The following USP28 variants were observed in gnomAD, a reference collection of about 807,000 sequenced individuals.
USP28 encodes the protein ubiquitin carboxyl-terminal hydrolase 28.
A neutral mutation model predicts 145.0 loss-of-function variants in USP28; 113 were observed. That is an observed-to-expected ratio of 0.78 (90% CI 0.67 to 0.91). The LOEUF is 0.91. USP28 is among the 40% of genes least tolerant of loss of function. USP28 has a pLI of 0.00. For missense variants in USP28, 1,201 were observed against 1,289.6 expected, an observed-to-expected ratio of 0.93 and a Z score of 1.05; for synonymous variants, 447 against 450.9, an observed-to-expected ratio of 0.99 and a Z score of 0.11.
chr11:113,837,726 C>T (rs1351068221), intron 5 of USP28, among the ~76,000 whole-genome samples: 1 of 152,164 alleles, frequency 6.6e-6, no homozygotes, highest in East Asian at 1.9e-4. Flanking sequence ...GCAAATGCTC[C>T]AAATTAAATG....
intron 3 of USP28, among the ~76,000 whole-genome samples, chr11:113,845,214 G>A (rs967647525): frequency 7.3e-5 from 11 of 149,772 alleles, no homozygotes; most frequent in East Asian, 4.0e-4. Context: ...CAAGGCAGGC[G>A]GATCACTTGA....
At chr11:113,848,667 A>C (rs1426685286) in intron 3 of USP28, among the ~76,000 whole-genome samples, 1 of 152,218 alleles carries the variant, frequency 6.6e-6, no homozygotes, top group Non-Finnish European at 1.5e-5. Context: ...AAGTGGTTCC[A>C]TCTTTTCTAC....
chr11:113,842,547 T>C (rs1213669537), intron 3 of USP28, among the ~76,000 whole-genome samples: 1 of 148,916 alleles, frequency 6.7e-6, no homozygotes, highest in East Asian at 2.0e-4. Flanking sequence ...ACCACGCCAC[T>C]GCACTCCAGC....
chr11:113,840,070 C>G (rs73552977), intron 5 of USP28, among the ~76,000 whole-genome samples: 3,345 of 152,176 alleles, frequency 0.022, 110 homozygotes, highest in African/African-American at 0.075. Flanking sequence ...AACACACACC[C>G]AAATTATTCC....
intron 5 of USP28, chr11:113,835,417 CAACCA>C (rs1944455557): frequency 6.6e-6 from 3 of 451,282 alleles, no homozygotes; most frequent in South Asian, 4.7e-5. Flanking sequence ...TTCCTAATGT[CAACCA>C]AAGAATCCAA....
At chr11:113,841,792 T>G (rs375485158) in intron 3 of USP28, 24 bp from the exon 4 acceptor site, 6 of 1,530,674 alleles carry the variant, frequency 3.9e-6, no homozygotes, top group Non-Finnish European at 5.4e-6. Context: ...AGAAATTTAA[T>G]TAGTCTATAT....
At chr11:113,875,467 C>A in exon 1 of USP28, 1 of 1,237,440 alleles carries the variant, frequency 8.1e-7, no homozygotes, top group Non-Finnish European at 1.0e-6. Flanking sequence ...GTCTGCCGCG[C>A]CGGCCGCGTC....
At chr11:113,867,400 G>C (rs941178788) in intron 1 of USP28, among the ~76,000 whole-genome samples, 1 of 151,976 alleles carries the variant, frequency 6.6e-6, no homozygotes, top group African/African-American at 2.4e-5. Context: ...CCAAGTAGCT[G>C]GAATTACAGG....
chr11:113,855,992 T>C (rs1947007560), intron 1 of USP28, among the ~76,000 whole-genome samples: 1 of 152,202 alleles, frequency 6.6e-6, no homozygotes, highest in South Asian at 2.1e-4. Flanking sequence ...AGGCTACAAA[T>C]GGAATCCTAC....
rs1656350671 is a variant in USP28, at chr11:113,827,478, G to C, written c.1060-118C>G. ...CCTTTGGTATAGAACTTATACTCAA[G>C]GCAAACTCATACTAGAACTTTTTTT... is the stretch of plus-strand genomic sequence containing the variant. On this transcript the variant is annotated intron_variant, in intron 10 of 24. Coordinates refer to ENST00000003302, the Ensembl canonical transcript of USP28. The C allele has an allele frequency of 2.8e-6, 3 of 1,067,332 alleles. No individual in the cohort carries two copies. In the African/African-American group the frequency reaches 5.0e-5, roughly 18 times the overall value. 66.1% of individuals were successfully genotyped at this position (1,067,332 alleles called of 1,614,324 possible). A position where few individuals can be genotyped will look rare whatever the true frequency, so the allele number is the denominator to read the frequency against.
At chr11:113,875,520 C>A in exon 1 of USP28, 14 of 1,154,506 alleles carry the variant, frequency 1.2e-5, no homozygotes, top group Non-Finnish European at 1.5e-5. Context: ...CGCCCAGCCG[C>A]GGGTCACCGG....
intron 7 of USP28, among the ~76,000 whole-genome samples, chr11:113,832,497 A>G (rs1944115754): frequency 6.6e-6 from 1 of 152,224 alleles, no homozygotes; most frequent in Admixed American, 6.5e-5. Flanking sequence ...AGGTGCATTA[A>G]GCAACCTGAA....
At chr11:113,843,467 T>A (rs1335000893) in intron 3 of USP28, among the ~76,000 whole-genome samples, 1 of 150,868 alleles carries the variant, frequency 6.6e-6, no homozygotes, top group Non-Finnish European at 1.5e-5. Flanking sequence ...AGATTGGGAG[T>A]TCGAGATCAG....
chr11:113,823,847 A>C, intron 11 of USP28, 147 bp from the exon 12 acceptor site: 1 of 543,300 alleles, frequency 1.8e-6, no homozygotes, highest in East Asian at 3.2e-5. Flanking sequence ...TCAAGGTTAA[A>C]ACTGATGCAT....
intron 24 of USP28, among the ~76,000 whole-genome samples, chr11:113,800,709 CCTT>C (rs1267998713): frequency 3.5e-4 from 54 of 152,244 alleles, no homozygotes; most frequent in African/African-American, 6.3e-4. Flanking sequence ...TACATTCCCT[CCTT>C]AAGATGCTTT....
Position 113,835,847 on chromosome 11 carries a change from G to A in USP28, c.535-1512C>T, listed in dbSNP as rs112413157. On this transcript the variant is annotated intron_variant, in intron 5 of 24. Transcript: ENST00000003302. ...TGTAATCCCAGCACTTTGGGAGGCT[G>A]AGGCGGGCAGATCACCTGAGGTCAG... Among the ~76,000 whole-genome samples the A allele has an allele frequency of 8.0e-3, 1,213 of 152,336 alleles. 19 individuals carry two copies. Among genetic ancestry groups the A allele is most frequent in the African/African-American group, 0.028 (1,172 of 41,568 alleles).
At chr11:113,821,831 G>A in intron 12 of USP28, 1 of 167,450 alleles carries the variant, frequency 6.0e-6, no homozygotes, top group Non-Finnish European at 1.3e-5. Context: ...TCTTTCTAAT[G>A]CCTTTTTGGG....
At chr11:113,840,947 TTAATCCCTCCA>T (rs1332984490) in intron 4 of USP28, among the ~76,000 whole-genome samples, 190 bp from the exon 5 acceptor site, 1 of 152,152 alleles carries the variant, frequency 6.6e-6, no homozygotes, top group African/African-American at 2.4e-5. Flanking sequence ...CATAGAAATG[TTAATCCCTCCA>T]TAACAGACAT....
At chr11:113,841,853 C>T (rs1310112816) in intron 3 of USP28, 85 bp from the exon 4 acceptor site, 7 of 854,878 alleles carry the variant, frequency 8.2e-6, no homozygotes, top group African/African-American at 3.5e-5. Flanking sequence ...AGACATACTC[C>T]CTAGCTTTCA....
Sources: gnomAD v4.1 joint callset for allele counts (sites outside exome capture counted in the v4.1 genomes callset) on GRCh38, gnomAD v4.1.1 for gene constraint, MANE v1.5 for transcripts, NCBI Gene and HGNC (gene_info 2026-07-23, HGNC 2026-07-21) for gene names.